ADGRV1: variants seen among roughly 807,000 people sequenced by gnomAD.
ADGRV1 encodes adhesion G protein-coupled receptor V1.
A neutral mutation model predicts 596.2 loss-of-function variants in ADGRV1; 359 were observed. That is an observed-to-expected ratio of 0.60 (90% CI 0.55 to 0.66). The LOEUF is 0.66. Ranked by LOEUF, ADGRV1 falls within the 30% of genes least tolerant of loss-of-function variation. The pLI, the probability that ADGRV1 is intolerant of heterozygous loss-of-function variation, is 0.00. For missense variants in ADGRV1, 7,274 were observed against 7,575.6 expected, an observed-to-expected ratio of 0.96 and a Z score of 1.48; for synonymous variants, 2,681 against 2,679.2, an observed-to-expected ratio of 1.00 and a Z score of -0.02.
chr5:90,815,222 T>G (rs1357372199), intron 74 of ADGRV1, among the ~76,000 whole-genome samples: 1 of 152,180 alleles, frequency 6.6e-6, no homozygotes, highest in Non-Finnish European at 1.5e-5. Context: ...CTCAGTTCTG[T>G]TCTCGGAGCT....
chr5:90,680,227 G>A (rs1744761869), intron 26 of ADGRV1, among the ~76,000 whole-genome samples: 1 of 152,050 alleles, frequency 6.6e-6, no homozygotes, highest in Admixed American at 6.6e-5. Context: ...GCATGTGCCT[G>A]TAATACCAGC....
At position 90,688,836 on chromosome 5, in the gene ADGRV1, C is replaced by G. The variant is rs140433869; in HGVS notation, c.6491-1025C>G. On this transcript the variant is annotated intron_variant, in intron 29 of 89. Transcript: ENST00000405460. The stretch of plus-strand genomic sequence containing the variant: ...TACTGAGGAATGCAGGGAAAATGGG[C>G]AGCTACATGCTTTCAGTGCTTGGCA... Among the ~76,000 whole-genome samples, 5 of 152,296 alleles carry G rather than the reference C, an allele frequency of 3.3e-5. No individual in the cohort carries two copies. In the East Asian group the frequency reaches 9.6e-4, roughly 29 times the overall value.
At chr5:90,675,166 G>A (rs1773037061) in intron 23 of ADGRV1, 77 bp from the exon 24 acceptor site, 1 of 1,270,626 alleles carries the variant, frequency 7.9e-7, no homozygotes, top group African/African-American at 1.5e-5. Flanking sequence ...AAATAATTGT[G>A]TAAGATCGCT....
Position 90,781,444 on chromosome 5 carries a change from C to G in ADGRV1, c.13097C>G (p.Thr4366Ser), listed in dbSNP as rs775540685. 12 of 1,603,504 alleles carry G rather than the reference C, an allele frequency of 7.5e-6. 1 individual carries two copies. In the South Asian group the frequency reaches 1.1e-4, roughly 15 times the overall value. The change falls in exon 65 of 90, where the codon ACC becomes AGC. Residue 4366 changes from threonine to serine, a missense_variant. Thr to Ser is a moderately conservative substitution (Grantham distance 58). Transcript: ENST00000405460. ...GACTTTGGAAGAGGGTATGATTTTA[C>G]CATTCAAGAAAATGGACTTCAGATA... ...VELQGRGYDF[T>S]IQENGLQIDQ...
intron 85 of ADGRV1, among the ~76,000 whole-genome samples, chr5:91,050,218 G>A (rs1387977377): frequency 6.6e-6 from 1 of 152,156 alleles, no homozygotes; most frequent in Non-Finnish European, 1.5e-5. Flanking sequence ...TGAAACAACA[G>A]CATGTTAATA....
At chr5:90,679,720 C>A in intron 26 of ADGRV1, 91 bp downstream of exon 26, 1 of 766,090 alleles carries the variant, frequency 1.3e-6, no homozygotes, top group Non-Finnish European at 2.2e-6. Flanking sequence ...TTGACACCTA[C>A]TATGTGTAGG....
intron 49 of ADGRV1, 42 bp downstream of exon 49, chr5:90,728,975 A>G: frequency 7.5e-7 from 1 of 1,341,178 alleles, no homozygotes; most frequent in East Asian, 2.3e-5. Flanking sequence ...TAATTATTGA[A>G]ATCATCTAGC....
chr5:91,104,859 T>TA (rs1791708959), intron 87 of ADGRV1, among the ~76,000 whole-genome samples: 1 of 107,628 alleles, frequency 9.3e-6, no homozygotes, highest in Non-Finnish European at 2.1e-5. Context: ...TCTTTTCTTT[T>TA]CTTTTTTTTT....
Position 90,599,598 on chromosome 5 carries a change from T to A in ADGRV1, c.23-15237T>A, listed in dbSNP as rs568658130. ...ATTATAGAAAGTCATTAAAAATTGA[T>A]CTTAGGCTTTATCATCTTTTTTTTT... On this transcript the variant is annotated intron_variant, in intron 1 of 89. Coordinates refer to ENST00000405460, the MANE Select transcript of ADGRV1 (RefSeq NM_032119.4). Among the ~76,000 whole-genome samples, 83 of 152,334 alleles carry A rather than the reference T, an allele frequency of 5.4e-4. No homozygotes were observed. In the Middle Eastern group the frequency reaches 0.027, roughly 50 times the overall value.
chr5:90,658,400 C>G, intron 21 of ADGRV1, 122 bp downstream of exon 21: 1 of 797,996 alleles, frequency 1.3e-6, no homozygotes. Flanking sequence ...CAGAAGTATG[C>G]TAGGGCCAGT....
At chr5:90,942,744 G>C (rs532229133) in intron 83 of ADGRV1, among the ~76,000 whole-genome samples, 1 of 152,122 alleles carries the variant, frequency 6.6e-6, no homozygotes, top group African/African-American at 2.4e-5. Context: ...TTATCTGAAC[G>C]ATTGTGTGAA....
intron 78 of ADGRV1, among the ~76,000 whole-genome samples, chr5:90,846,107 C>T (rs1203238741): frequency 6.6e-6 from 1 of 152,212 alleles, no homozygotes; most frequent in African/African-American, 2.4e-5. Context: ...GATCCACTTT[C>T]ACGATGAGCT....
At chr5:90,633,096 G>A (rs980827292) in intron 9 of ADGRV1, among the ~76,000 whole-genome samples, 1 of 152,110 alleles carries the variant, frequency 6.6e-6, no homozygotes, top group African/African-American at 2.4e-5. Context: ...TGGCAAGCAT[G>A]GGGTTACTAA....
chr5:90,691,470 T>C (rs1354040372), intron 31 of ADGRV1, among the ~76,000 whole-genome samples: 1 of 150,726 alleles, frequency 6.6e-6, no homozygotes, highest in Non-Finnish European at 1.5e-5. Context: ...CTGCAACCTA[T>C]GCTTCCTGGG....
At chr5:90,641,498 T>A (rs1388069130) in intron 11 of ADGRV1, among the ~76,000 whole-genome samples, 1 of 152,186 alleles carries the variant, frequency 6.6e-6, no homozygotes, top group African/African-American at 2.4e-5. Context: ...AAATTTTAAT[T>A]AATGAGGATA....
chr5:90,752,050 A>T lies in ADGRV1; in HGVS notation c.11121+1353A>T, dbSNP rs559730387. On this transcript the variant is annotated intron_variant, in intron 53 of 89. Transcript: ENST00000405460. ...GAGCTAGTATATCTTTTTTCTGTAAAGGGCCAGATAGTAAATATTTTAGGC... is the reference window on the plus strand; with the variant it reads ...GAGCTAGTATATCTTTTTTCTGTAATGGGCCAGATAGTAAATATTTTAGGC... 6.0e-3 allele frequency among the ~76,000 whole-genome samples: 920 copies of T among 152,264 alleles called. 6 individuals are homozygous for T. Among genetic ancestry groups the T allele is most frequent in the African/African-American group, 0.021 (887 of 41,572 alleles).
chr5:90,968,089 A>T (rs1013431950), intron 84 of ADGRV1, among the ~76,000 whole-genome samples: 26 of 152,188 alleles, frequency 1.7e-4, no homozygotes, highest in African/African-American at 6.3e-4. Flanking sequence ...ACCTGGAAAG[A>T]ATTTAGGTAA....
At chr5:91,151,055 A>G (rs1326438243) in intron 88 of ADGRV1, among the ~76,000 whole-genome samples, 1 of 152,196 alleles carries the variant, frequency 6.6e-6, no homozygotes, top group African/African-American at 2.4e-5. Flanking sequence ...GGAGCCAAGG[A>G]AAACAGTATT....
At chr5:90,774,101 C>T in intron 59 of ADGRV1, 85 bp from the exon 60 acceptor site, 1 of 586,252 alleles carries the variant, frequency 1.7e-6, no homozygotes, top group Non-Finnish European at 3.0e-6. Flanking sequence ...TGATTATGGA[C>T]ATAAACGTTA....
Sources: gnomAD v4.1 joint callset for allele counts (sites outside exome capture counted in the v4.1 genomes callset) on GRCh38, gnomAD v4.1.1 for gene constraint, MANE v1.5 for transcripts, NCBI Gene and HGNC (gene_info 2026-07-23, HGNC 2026-07-21) for gene names.